Variants in ECPAS observed in about 807,000 individuals in gnomAD.
The protein encoded by ECPAS is Ecm29 proteasome adaptor and scaffold, also known as proteasome adapter and scaffold protein ECM29.
In ECPAS, 70 loss-of-function variants were observed where a neutral mutation model predicts 255.1. That is an observed-to-expected ratio of 0.27 (90% CI 0.23 to 0.33). The LOEUF is 0.33. ECPAS is among the 10% of genes least tolerant of loss of function. ECPAS has a pLI of 1.00. For synonymous variants in ECPAS, 784 were observed against 775.0 expected, an observed-to-expected ratio of 1.01 and a Z score of -0.19; for missense variants, 1,817 against 2,206.4, an observed-to-expected ratio of 0.82 and a Z score of 3.54.
intron 38 of ECPAS, 54 bp downstream of exon 38, chr9:111,375,059 T>C: frequency 7.7e-7 from 1 of 1,306,036 alleles, no homozygotes; most frequent in Non-Finnish European, 1.1e-6. Context: ...TGTTATATCC[T>C]TATGGCCAGA....
chr9:111,377,427 A>T (rs183802868), intron 36 of ECPAS, among the ~76,000 whole-genome samples: 2 of 152,322 alleles, frequency 1.3e-5, no homozygotes, highest in African/African-American at 4.8e-5. Flanking sequence ...GCAAATCAGA[A>T]AAATGAGATT....
intron 24 of ECPAS, among the ~76,000 whole-genome samples, chr9:111,407,395 C>A: frequency 2.3e-5 from 1 of 43,668 alleles, no homozygotes. Context: ...GAGCAAAACT[C>A]CATCTCAGAA....
chr9:111,477,518 G>GACAC (rs144630575), intron 1 of ECPAS, among the ~76,000 whole-genome samples: 2 of 151,506 alleles, frequency 1.3e-5, no homozygotes, highest in East Asian at 1.9e-4. Context: ...ATACTAGTTA[G>GACAC]ACACACACAC....
At chr9:111,471,059 G>T (rs572871128) in intron 2 of ECPAS, among the ~76,000 whole-genome samples, 1 of 152,244 alleles carries the variant, frequency 6.6e-6, no homozygotes, top group African/African-American at 2.4e-5. Context: ...TCTAATGTAC[G>T]ATCGTTAAGA....
At position 111,391,143 on chromosome 9, in the gene ECPAS, G is replaced by A. The variant is rs187562346; in HGVS notation, c.3161+613C>T. Reference sequence around the variant, plus strand: ...TCAAGAGGCTGGTATCCACTGAAACGATGGTAGCAGTTCCGCCCCTCCCTC... The same window carrying A: ...TCAAGAGGCTGGTATCCACTGAAACAATGGTAGCAGTTCCGCCCCTCCCTC... On this transcript the variant is annotated intron_variant, in intron 29 of 49. Coordinates refer to ENST00000684092, the MANE Select transcript of ECPAS (RefSeq NM_001364929.1). Among the ~76,000 whole-genome samples, 367 of 152,308 alleles carry A rather than the reference G, an allele frequency of 2.4e-3. 3 individuals are homozygous for A. Among genetic ancestry groups the A allele is most frequent in the Non-Finnish European group, 4.0e-3 (274 of 68,028 alleles).
intron 12 of ECPAS, among the ~76,000 whole-genome samples, chr9:111,424,135 G>A (rs2098218138): frequency 6.6e-6 from 1 of 152,138 alleles, no homozygotes; most frequent in African/African-American, 2.4e-5. Context: ...TGGTCCCCTA[G>A]ATCTTAACCA....
chr9:111,367,777 C>T (rs551989292), intron 46 of ECPAS, among the ~76,000 whole-genome samples: 1 of 152,186 alleles, frequency 6.6e-6, no homozygotes, highest in South Asian at 2.1e-4. Context: ...GGCATGGAGG[C>T]TCATACCTAT....
Position 111,410,063 on chromosome 9 carries a change from G to A in ECPAS, c.2528C>T (p.Pro843Leu). Reference sequence around the variant, plus strand: ...TACCTTATTTGTTTCTTTACTGGAAGGTATTCTACTTAGTAAGCTTTCTAC... The same window carrying A: ...TACCTTATTTGTTTCTTTACTGGAAAGTATTCTACTTAGTAAGCTTTCTAC... ...HLVESLLSRIPSSKETNKMKE... is the reference protein window; with the variant it reads ...HLVESLLSRILSSKETNKMKE... Residue 843 changes from proline to leucine, a missense_variant, in exon 23 of 50, where the codon CCT becomes CTT. Transcript: ENST00000684092. 6.4e-7 allele frequency: 1 copy of A among 1,569,996 alleles called. No homozygotes were observed.
intron 46 of ECPAS, among the ~76,000 whole-genome samples, chr9:111,368,655 A>C (rs745847546): frequency 2.0e-5 from 3 of 152,212 alleles, no homozygotes; most frequent in Non-Finnish European, 4.4e-5. Flanking sequence ...ATTAGGGCAC[A>C]GAGACACCAA....
chr9:111,453,269 G>C (rs533725060), intron 2 of ECPAS, among the ~76,000 whole-genome samples: 1 of 152,080 alleles, frequency 6.6e-6, no homozygotes, highest in East Asian at 1.9e-4. Context: ...ATGGAACATG[G>C]AACAAGTCAA....
At chr9:111,366,210 C>T (rs763614550) in intron 48 of ECPAS, 29 bp downstream of exon 48, 1 of 1,375,260 alleles carries the variant, frequency 7.3e-7, no homozygotes, top group South Asian at 1.3e-5. Context: ...ATTAGGACTC[C>T]CTCATCAGTT....
chr9:111,377,588 T>G (rs369213349), intron 36 of ECPAS, among the ~76,000 whole-genome samples: 1 of 152,192 alleles, frequency 6.6e-6, no homozygotes, highest in East Asian at 1.9e-4. Flanking sequence ...AATAAGTGTA[T>G]ATATAGACAC....
In ECPAS at chr9:111,373,803, C is replaced by G. The variant is rs568473986; in HGVS notation, c.4177+169G>C. On this transcript the variant is annotated intron_variant, in intron 39 of 49. Transcript: ENST00000684092. Reference sequence around the variant, plus strand: ...GTGAAAAGCTGCTAAACTTGATAAACTCTGCACCTCCTGCAGACAAAGAAA... The same window carrying G: ...GTGAAAAGCTGCTAAACTTGATAAAGTCTGCACCTCCTGCAGACAAAGAAA... Among the ~76,000 whole-genome samples the G allele has an allele frequency of 2.0e-5, 3 of 152,290 alleles. No individual in the cohort carries two copies. In the South Asian group the frequency reaches 6.2e-4, roughly 32 times the overall value.
At chr9:111,389,354 T>C (rs148437714) in intron 31 of ECPAS, among the ~76,000 whole-genome samples, 1 of 152,372 alleles carries the variant, frequency 6.6e-6, no homozygotes, top group African/African-American at 2.4e-5. Flanking sequence ...ATTGTTTCCC[T>C]TTTGGAGATT....
At chr9:111,457,312 T>G (rs2098268112) in intron 2 of ECPAS, among the ~76,000 whole-genome samples, 1 of 152,144 alleles carries the variant, frequency 6.6e-6, no homozygotes, top group South Asian at 2.1e-4. Context: ...TTTCATTATT[T>G]CAATCAAATA....
chr9:111,399,495 G>C (rs1264512409), intron 24 of ECPAS, among the ~76,000 whole-genome samples: 1 of 152,222 alleles, frequency 6.6e-6, no homozygotes, highest in African/African-American at 2.4e-5. Context: ...CCCGGTCACA[G>C]CATCAGGCAG....
intron 30 of ECPAS, 114 bp from the exon 31 acceptor site, chr9:111,389,837 C>A: frequency 8.2e-7 from 1 of 1,226,608 alleles, no homozygotes. Context: ...ATTGGTCTTT[C>A]CAATCAACAG....
chr9:111,466,173 G>A (rs1312413154), intron 2 of ECPAS, among the ~76,000 whole-genome samples: 1 of 152,020 alleles, frequency 6.6e-6, no homozygotes, highest in Non-Finnish European at 1.5e-5. Flanking sequence ...AAGAGGCAGG[G>A]CACGGTGGCT....
intron 19 of ECPAS, 95 bp downstream of exon 19, chr9:111,414,334 A>G (rs2098199710): frequency 9.2e-7 from 1 of 1,082,914 alleles, no homozygotes; most frequent in Admixed American, 2.3e-5. Context: ...TTACAGAAGA[A>G]AAAGAATAAT....
Sources: allele counts gnomAD v4.1 joint callset (sites outside exome capture counted in the v4.1 genomes callset), GRCh38; gene constraint gnomAD v4.1.1; transcripts MANE v1.5; gene names NCBI Gene and HGNC (gene_info 2026-07-23, HGNC 2026-07-21).